The following TUBB6 variants were observed in gnomAD, a reference collection of about 807,000 sequenced individuals.
The protein encoded by TUBB6 is tubulin beta 6 class V.
In TUBB6, 18 loss-of-function variants were observed where a neutral mutation model predicts 32.3. The ratio of observed to expected loss-of-function variants is 0.56; its 90% CI spans 0.39 to 0.83. TUBB6 has a LOEUF of 0.83. Among genes scored for constraint, TUBB6 ranks in the 40% least tolerant of loss-of-function variants. The pLI is 0.00. For missense variants in TUBB6, 480 were observed against 632.0 expected, an observed-to-expected ratio of 0.76 and a Z score of 2.58; for synonymous variants, 280 against 265.8, an observed-to-expected ratio of 1.05 and a Z score of -0.52.
chr18:12,327,237 G>GC (rs1234470922), downstream of TUBB6, among the ~76,000 whole-genome samples: 5 of 152,246 alleles, frequency 3.3e-5, no homozygotes, highest in South Asian at 2.1e-4. Context: ...CACGTGGGCA[G>GC]CCCCCCCGAT....
At chr18:12,318,422 T>C (rs1322614824) in intron 3 of TUBB6, among the ~76,000 whole-genome samples, 2 of 148,618 alleles carry the variant, frequency 1.3e-5, no homozygotes, top group African/African-American at 5.0e-5. Context: ...TACTAGATGC[T>C]GTCTACGGCT....
Position 12,325,439 on chromosome 18 carries a change from T to A in TUBB6, c.650T>A (p.Leu217Gln), listed in dbSNP as rs1322145392. The A allele has an allele frequency of 6.2e-7, 1 of 1,614,218 alleles. No homozygotes were observed. The highest frequency in any genetic ancestry group is 1.7e-5 in the Admixed American group (1 of 60,026). Residue 217 changes from leucine (L) to glutamine (Q), a missense_variant, in exon 4 of 4, where the codon CTG becomes CAG. Coordinates refer to ENST00000317702, the MANE Select transcript of TUBB6 (RefSeq NM_032525.3). ...LYDICFRTLK[L>Q]TTPTYGDLNH... ...GACATCTGCTTCCGCACTCTGAAGC[T>A]GACAACGCCCACCTACGGGGACCTC...
downstream of TUBB6, chr18:12,328,840 G>A (rs564733375): frequency 3.2e-6 from 1 of 317,098 alleles, no homozygotes; most frequent in East Asian, 6.9e-5. Context: ...ATGAGAACCA[G>A]CGAGGCTGAG....
chr18:12,308,450 C>A, intron 1 of TUBB6, 101 bp downstream of exon 1: 1 of 1,028,354 alleles, frequency 9.7e-7, no homozygotes, highest in Non-Finnish European at 1.3e-6. Context: ...GCTGTGCGCC[C>A]CTGGGTCCTC....
At chr18:12,316,280 T>C (rs1480443095) in intron 3 of TUBB6, among the ~76,000 whole-genome samples, 1 of 152,262 alleles carries the variant, frequency 6.6e-6, no homozygotes, top group Non-Finnish European at 1.5e-5. Flanking sequence ...TTTGGTTTAT[T>C]TGAATTGAAC....
rs535454581 is a variant in TUBB6, at chr18:12,310,021, CT to C, written c.167-920del. ...TTTCCATGGAGCTAAAGTTGTAAAA[CT>C]TCCTAACAGGAAAGAGGTGTCAGGG... On this transcript the variant is annotated intron_variant, in intron 2 of 3. Transcript: ENST00000317702. Among the ~76,000 whole-genome samples, 246 of 152,248 alleles carry C rather than the reference CT, an allele frequency of 1.6e-3. 2 individuals carry two copies. Among genetic ancestry groups the C allele is most frequent in the South Asian group, 8.7e-3 (42 of 4,832 alleles).
intron 3 of TUBB6, among the ~76,000 whole-genome samples, chr18:12,316,375 T>A (rs941494380): frequency 6.6e-6 from 1 of 152,242 alleles, no homozygotes; most frequent in African/African-American, 2.4e-5. Context: ...ATGGTGCCCA[T>A]TTAGTTATCT....
chr18:12,309,718 G>A (rs1906253348), intron 2 of TUBB6, among the ~76,000 whole-genome samples: 1 of 152,146 alleles, frequency 6.6e-6, no homozygotes, highest in Non-Finnish European at 1.5e-5. Context: ...ATCTTGGCGA[G>A]TGCACTGCAG....
chr18:12,308,129 G>C (rs868446739), upstream of TUBB6: 908 of 237,476 alleles, frequency 3.8e-3, 9 homozygotes, highest in African/African-American at 0.02. Flanking sequence ...GCTGCAGGCC[G>C]GGCCGCGGCG....
intron 3 of TUBB6, among the ~76,000 whole-genome samples, chr18:12,316,084 G>A (rs1246372397): frequency 6.6e-6 from 1 of 152,238 alleles, no homozygotes; most frequent in East Asian, 1.9e-4. Flanking sequence ...ACCCAACCCA[G>A]TCTGGATGGG....
At chr18:12,323,589 C>T (rs1907099839) in intron 3 of TUBB6, among the ~76,000 whole-genome samples, 3 of 152,000 alleles carry the variant, frequency 2.0e-5, no homozygotes, top group South Asian at 2.1e-4. Context: ...GGGTGGATCA[C>T]GAAGTCAGGA....
At chr18:12,327,821 G>A (rs967703177), downstream of TUBB6, among the ~76,000 whole-genome samples, 111 of 152,300 alleles carry the variant, frequency 7.3e-4, no homozygotes, top group Non-Finnish European at 2.1e-4. Flanking sequence ...CAGACAGTGG[G>A]CCCCACTCTC....
intron 3 of TUBB6, among the ~76,000 whole-genome samples, chr18:12,314,949 CTTTTTAAACTTTGCT>C (rs1371556678): frequency 6.8e-5 from 6 of 88,566 alleles, no homozygotes; most frequent in African/African-American, 2.9e-4. Context: ...CTTTGCTTTG[CTTTTTAAACTTTGCT>C]TTTTTTTTTT....
At chr18:12,324,981 A>G (rs762304894) in intron 3 of TUBB6, 86 bp from the exon 4 acceptor site, 6 of 1,512,026 alleles carry the variant, frequency 4.0e-6, no homozygotes, top group Non-Finnish European at 5.3e-6. Context: ...TCATGGAATC[A>G]CTTCACACCC....
At chr18:12,328,915 A>C (rs1252595798), downstream of TUBB6, 5 of 443,306 alleles carry the variant, frequency 1.1e-5, no homozygotes, top group Non-Finnish European at 2.0e-5. Flanking sequence ...TTTTCTAAAA[A>C]TATCCAGAGC....
rs958859225 is a variant in TUBB6, at chr18:12,326,323, A to G, written c.*193A>G. 31 of 838,360 alleles carry G rather than the reference A, an allele frequency of 3.7e-5. No homozygotes were observed. Among genetic ancestry groups the G allele is most frequent in the Non-Finnish European group, 5.0e-5 (28 of 564,148 alleles). The allele number at this position is 838,360 out of a possible 1,614,324, so 51.9% of individuals were successfully genotyped here. A position where few individuals can be genotyped will look rare whatever the true frequency, so the allele number is the denominator to read the frequency against. On this transcript the variant is annotated 3_prime_UTR_variant, in exon 4 of 4. Transcript: ENST00000317702. Reference sequence around the variant, plus strand: ...AAAACAGCAGAGAATTGCGGGTTCTACCCAGTCAGAAGATCACACCATGGA... The same window carrying G: ...AAAACAGCAGAGAATTGCGGGTTCTGCCCAGTCAGAAGATCACACCATGGA...
chr18:12,316,987 T>C (rs757434018), intron 3 of TUBB6, among the ~76,000 whole-genome samples: 1 of 152,034 alleles, frequency 6.6e-6, no homozygotes, highest in Non-Finnish European at 1.5e-5. Flanking sequence ...GGTGAAACCC[T>C]GTCTCTCCTG....
Position 12,325,834 on chromosome 18 carries a change from G to A in TUBB6, c.1045G>A (p.Val349Met), listed in dbSNP as rs1223671308. 1.2e-6 allele frequency: 2 copies of A among 1,614,214 alleles called. No individual in the cohort carries two copies. The highest frequency in any genetic ancestry group is 1.3e-5 in the African/African-American group (1 of 75,062). The change falls in exon 4 of 4, where the codon GTG (valine) becomes ATG (methionine). Residue 349 changes from valine to methionine, a missense_variant. Physicochemically the swap from Val to Met is conservative, Grantham distance 21. Coordinates refer to ENST00000317702, the MANE Select transcript of TUBB6 (RefSeq NM_032525.3). ...CTTCGTGGAGTGGATTCCCAACAAC[G>A]TGAAGGTGGCCGTGTGCGACATCCC... ...SYFVEWIPNN[V>M]KVAVCDIPPR...
chr18:12,325,378 G>C lies in TUBB6; in HGVS notation c.589G>C (p.Asp197His). The change falls in exon 4 of 4, where the codon GAC becomes CAC. Residue 197 changes from aspartate (D) to histidine (H), a missense_variant. By Grantham distance (81) the Asp-to-His change is moderately conservative. Coordinates refer to ENST00000317702, the MANE Select transcript of TUBB6 (RefSeq NM_032525.3). The part of the protein sequence containing the change: ...LSVHQLVENT[D>H]ETYCIDNEAL... ...GGTGCACCAGCTGGTGGAGAATACA[G>C]ACGAGACCTACTGCATCGACAACGA... 1 of 1,614,212 alleles carries C rather than the reference G, an allele frequency of 6.2e-7. No individual in the cohort carries two copies. Among genetic ancestry groups the C allele is most frequent in the Non-Finnish European group, 8.5e-7 (1 of 1,180,030 alleles).
Sources: allele counts gnomAD v4.1 joint callset (sites outside exome capture counted in the v4.1 genomes callset), GRCh38; gene constraint gnomAD v4.1.1; transcripts MANE v1.5; gene names NCBI Gene and HGNC (gene_info 2026-07-23, HGNC 2026-07-21).